Variants in PLXNB1 observed in about 807,000 individuals in gnomAD.
The protein encoded by PLXNB1 is plexin B1, also known as plexin-B1.
Under a neutral mutation model 209.4 loss-of-function variants are expected in PLXNB1, and 106 were observed. That is an observed-to-expected ratio of 0.51 (90% confidence interval 0.43 to 0.59). PLXNB1 has a LOEUF of 0.59. Ranked by LOEUF, PLXNB1 falls within the 20% of genes least tolerant of loss-of-function variation. The pLI, the probability that PLXNB1 is intolerant of heterozygous loss-of-function variation, is 0.00. For synonymous variants in PLXNB1, 1,167 were observed against 1,183.2 expected, an observed-to-expected ratio of 0.99 and a Z score of 0.28; for missense variants, 2,357 against 2,853.2, an observed-to-expected ratio of 0.83 and a Z score of 3.96.
In PLXNB1 at chr3:48,424,243, G is replaced by A. The variant is rs1182774288; in HGVS notation, c.369C>T (p.Arg123=). Residue 123 remains arginine, a synonymous_variant, in exon 3 of 38, where the codon CGC becomes CGT. Transcript: ENST00000296440. ...SVHQGVCEQR[R]LGQLEQLLLR... Reference sequence around the variant, plus strand: ...GCAGCAGCTGCTCGAGCTGCCCCAGGCGCCGCTGTTCACAGACCCCCTGGT... The same window carrying A: ...GCAGCAGCTGCTCGAGCTGCCCCAGACGCCGCTGTTCACAGACCCCCTGGT... The A allele has an allele frequency of 6.2e-6, 10 of 1,602,378 alleles. No homozygotes were observed. The highest frequency in any genetic ancestry group is 8.5e-6 in the Non-Finnish European group (10 of 1,174,448).
chr3:48,421,544 C>T (rs534123739), intron 7 of PLXNB1, 130 bp downstream of exon 7: 24 of 1,194,976 alleles, frequency 2.0e-5, no homozygotes, highest in African/African-American at 7.7e-5. Context: ...GGAAACTGAG[C>T]TCCTAAAAGA....
At chr3:48,425,835 C>CACAG (rs1403490551) in intron 1 of PLXNB1, among the ~76,000 whole-genome samples, 11 of 148,958 alleles carry the variant, frequency 7.4e-5, no homozygotes, top group Admixed American at 2.6e-4. Context: ...CACACACACA[C>CACAG]AGAGAGAGAG....
At position 48,410,133 on chromosome 3, in the gene PLXNB1, CCT is replaced by C. The variant is rs375594425; in HGVS notation, c.5606-58_5606-57del. On this transcript the variant is annotated intron_variant, in intron 31 of 37. Coordinates refer to ENST00000296440, the MANE Select transcript of PLXNB1 (RefSeq NM_001130082.3). The surrounding 1 kb of genome is among the most constrained non-coding windows in gnomAD (Gnocchi z 6.4). Reference sequence around the variant, plus strand: ...CCCCAGGTGCCACCTCCCCAGGCCCCCTGTTTCTTGCCAGCTCTCCCAGGGGT... The same window carrying C: ...CCCCAGGTGCCACCTCCCCAGGCCCCGTTTCTTGCCAGCTCTCCCAGGGGT... The C allele has an allele frequency of 6.4e-4, 968 of 1,523,740 alleles. 3 individuals are homozygous for C. The highest frequency in any genetic ancestry group is 6.1e-3 in the African/African-American group (444 of 72,336). The allele number at this position is 1,523,740 out of a possible 1,614,324, so 94.4% of individuals were successfully genotyped here.
chr3:48,419,100 G>A lies in PLXNB1; in HGVS notation c.2833-61C>T. 2 of 1,600,422 alleles carry A rather than the reference G, an allele frequency of 1.2e-6. No homozygotes were observed. Among genetic ancestry groups the A allele is most frequent in the South Asian group, 1.1e-5 (1 of 89,914 alleles). ...GGAGCTGGGCCCAGGGAGTCCTGCAGGTCACCCAACAGATCCCCCAGCACA... is the reference window on the plus strand; with the variant it reads ...GGAGCTGGGCCCAGGGAGTCCTGCAAGTCACCCAACAGATCCCCCAGCACA... On this transcript the variant is annotated intron_variant, in intron 12 of 37. Coordinates refer to ENST00000296440, the MANE Select transcript of PLXNB1 (RefSeq NM_001130082.3). This position sits in a 1 kb window ranked among gnomAD's most constrained non-coding sequence, Gnocchi z 5.7.
chr3:48,412,808 C>T lies in PLXNB1; in HGVS notation c.4788G>A (p.Arg1596=), dbSNP rs759297699. 1.9e-5 allele frequency: 30 copies of T among 1,613,646 alleles called. No homozygotes were observed. The highest frequency in any genetic ancestry group is 2.4e-5 in the Non-Finnish European group (28 of 1,180,034). ...HRDLGVPESR[R]PTVEQGLGQL... Reference sequence around the variant, plus strand: ...GCCCCAGCCCTTGCTCCACAGTGGGCCGTCTGCTCTCAGGCACACCCAGGT... The same window carrying T: ...GCCCCAGCCCTTGCTCCACAGTGGGTCGTCTGCTCTCAGGCACACCCAGGT... The change falls in exon 25 of 38, where the codon CGG becomes CGA. Residue 1596 remains arginine (R), a synonymous_variant. Transcript: ENST00000296440.
Position 48,413,140 on chromosome 3 carries a change from T to C in PLXNB1, c.4565A>G (p.Tyr1522Cys). 3 of 1,613,426 alleles carry C rather than the reference T, an allele frequency of 1.9e-6. No homozygotes were observed. Among genetic ancestry groups the C allele is most frequent in the African/African-American group, 1.3e-5 (1 of 75,032 alleles). ...CTCCAGCTGGATCTGAACCTTCTTA[T>C]AGTCCCTCAGGGCCTGCTTGCTCTT... ...RRKSKQALRD[Y>C]KKVQIQLENL... The change falls in exon 24 of 38, where the codon TAT becomes TGT. Residue 1522 changes from tyrosine to cysteine, a missense_variant. Around this residue, in one of 7 missense-constraint regions of PLXNB1, gnomAD observed 743 missense variants for 896.2 expected, o/e 0.83. Transcript: ENST00000296440. The surrounding 1 kb of genome is among the most constrained non-coding windows in gnomAD (Gnocchi z 5.4).
chr3:48,407,018 C>T lies in PLXNB1; in HGVS notation c.6152+9G>A. 6.2e-7 allele frequency: 1 copy of T among 1,614,058 alleles called. No homozygotes were observed. Among genetic ancestry groups the T allele is most frequent in the Non-Finnish European group, 8.5e-7 (1 of 1,179,940 alleles). On this transcript the variant is annotated intron_variant, in intron 35 of 37. Coordinates refer to ENST00000296440, the MANE Select transcript of PLXNB1 (RefSeq NM_001130082.3). ...CCCTCCAACCTCTACCCACCGTGCC[C>T]TCCAGTACCTTTCCACCATCCGCTT...
At chr3:48,407,845 G>T (rs1386312453) in intron 34 of PLXNB1, among the ~76,000 whole-genome samples, 1 of 152,172 alleles carries the variant, frequency 6.6e-6, no homozygotes, top group African/African-American at 2.4e-5. Flanking sequence ...GTACTGGAAG[G>T]ATCTGGCAAA....
Position 48,423,682 on chromosome 3 carries a change from C to G in PLXNB1, c.930G>C (p.Ser310=), listed in dbSNP as rs775370353. ...AGGCTCCAGATGCCCCAGCAGCCGCCGATGGGGGCCGGCCCACAGTGGGGG... is the reference window on the plus strand; with the variant it reads ...AGGCTCCAGATGCCCCAGCAGCCGCGGATGGGGGCCGGCCCACAGTGGGGG... ...AAPPTVGRPP[S]AAAGASGASA... The change falls in exon 3 of 38, where the codon TCG becomes TCC. Residue 310 remains serine, a synonymous_variant. Coordinates refer to ENST00000296440, the MANE Select transcript of PLXNB1 (RefSeq NM_001130082.3). 6.2e-7 allele frequency: 1 copy of G among 1,613,730 alleles called. No individual in the cohort carries two copies. Among genetic ancestry groups the G allele is most frequent in the Non-Finnish European group, 8.5e-7 (1 of 1,179,898 alleles).
chr3:48,418,382 C>T lies in PLXNB1; in HGVS notation c.3050-19G>A. 2 of 1,613,626 alleles carry T rather than the reference C, an allele frequency of 1.2e-6. No individual in the cohort carries two copies. The highest frequency in any genetic ancestry group is 1.6e-4 in the Middle Eastern group (1 of 6,062). Reference sequence around the variant, plus strand: ...AGTACCACTGGGGGTGGCAGAGACACACGTGAGAGGCAGGCCTGGGAGAGC... The same window carrying T: ...AGTACCACTGGGGGTGGCAGAGACATACGTGAGAGGCAGGCCTGGGAGAGC... On this transcript the variant is annotated intron_variant, in intron 14 of 37. Transcript: ENST00000296440. The surrounding 1 kb of genome is among the most constrained non-coding windows in gnomAD (Gnocchi z 6.6).
chr3:48,419,146 C>A lies in PLXNB1; in HGVS notation c.2832+98G>T. Reference sequence around the variant, plus strand: ...GCACAGCTTCTGGGTTGGAGTTGAGCCCTCGGACTCTGCCCTCCTCCTGCT... The same window carrying A: ...GCACAGCTTCTGGGTTGGAGTTGAGACCTCGGACTCTGCCCTCCTCCTGCT... On this transcript the variant is annotated intron_variant, in intron 12 of 37. Coordinates refer to ENST00000296440, the MANE Select transcript of PLXNB1 (RefSeq NM_001130082.3). This position sits in a 1 kb window ranked among gnomAD's most constrained non-coding sequence, Gnocchi z 5.7. 6.4e-7 allele frequency: 1 copy of A among 1,562,138 alleles called. No homozygotes were observed. Among genetic ancestry groups the A allele is most frequent in the South Asian group, 1.2e-5 (1 of 83,600 alleles).
In PLXNB1 at chr3:48,416,333, A is replaced by C. The variant is rs762217758; in HGVS notation, c.3480+13T>G. The C allele has an allele frequency of 6.2e-7, 1 of 1,602,558 alleles. No homozygotes were observed. Among genetic ancestry groups the C allele is most frequent in the East Asian group, 2.2e-5 (1 of 44,812 alleles). On this transcript the variant is annotated intron_variant, in intron 17 of 37. Coordinates refer to ENST00000296440, the MANE Select transcript of PLXNB1 (RefSeq NM_001130082.3). The surrounding 1 kb of genome is among the most constrained non-coding windows in gnomAD (Gnocchi z 4.1). The stretch of plus-strand genomic sequence containing the variant: ...GCCCGCTGGCAGCTGGGGGTGGCTC[A>C]GCAGTCAGGTACCTGGTAGGCAAAG...
At position 48,410,863 on chromosome 3, in the gene PLXNB1, C is replaced by T; in HGVS notation, c.5416+5G>A. The T allele has an allele frequency of 1.2e-6, 2 of 1,608,010 alleles. No individual in the cohort carries two copies. Among genetic ancestry groups the T allele is most frequent in the Non-Finnish European group, 1.7e-6 (2 of 1,177,412 alleles). On this transcript the variant is annotated splice_donor_5th_base_variant and intron_variant, in intron 29 of 37. Coordinates refer to ENST00000296440, the MANE Select transcript of PLXNB1 (RefSeq NM_001130082.3). This position sits in a 1 kb window ranked among gnomAD's most constrained non-coding sequence, Gnocchi z 6.4. ...CAGGTCCCCAGGGGCTCTCCACGCC[C>T]TCACCAACATCAAGGGTGCGAGGGT...
At chr3:48,424,970 T>C (rs543798788) in intron 2 of PLXNB1, among the ~76,000 whole-genome samples, 32 of 152,116 alleles carry the variant, frequency 2.1e-4, no homozygotes, top group Non-Finnish European at 4.3e-4. Flanking sequence ...GAGCAGGTGA[T>C]GGGAAGGAGG....
Position 48,423,859 on chromosome 3 carries a change from C to T in PLXNB1, c.753G>A (p.Val251=). ...AGTAGTAGTGCTGGTCCCGGAGACA[C>T]ACTCGAGATACATAGGCACGAAAAG... ...SRAFRAYVSR[V]CLRDQHYYSY... is the part of the protein sequence containing the mutation. Residue 251 remains valine, a synonymous_variant, in exon 3 of 38, where the codon GTG becomes GTA. Transcript: ENST00000296440. 1.9e-6 allele frequency: 3 copies of T among 1,614,078 alleles called. No homozygotes were observed. Among genetic ancestry groups the T allele is most frequent in the Non-Finnish European group, 2.5e-6 (3 of 1,180,034 alleles).
At position 48,415,577 on chromosome 3, in the gene PLXNB1, C is replaced by T. The variant is rs1460682849; in HGVS notation, c.3794+6G>A. 1.3e-6 allele frequency: 2 copies of T among 1,568,062 alleles called. No homozygotes were observed. The highest frequency in any genetic ancestry group is 1.3e-5 in the African/African-American group (1 of 74,462). Reference sequence around the variant, plus strand: ...CTGCCATGCAGCCACACCCCTGGCCCAACACCTGAGGAAGCTCTTGGTGGG... The same window carrying T: ...CTGCCATGCAGCCACACCCCTGGCCTAACACCTGAGGAAGCTCTTGGTGGG... On this transcript the variant is annotated splice_donor_region_variant and intron_variant, in intron 19 of 37. Transcript: ENST00000296440. The surrounding 1 kb of genome is among the most constrained non-coding windows in gnomAD (Gnocchi z 5.0).
intron 10 of PLXNB1, 21 bp from the exon 11 acceptor site, chr3:48,420,278 A>G (rs1161700080): frequency 1.3e-6 from 2 of 1,484,510 alleles, no homozygotes; most frequent in Non-Finnish European, 9.1e-7. Flanking sequence ...AGGCAGAGGA[A>G]GACAGGAAGG....
chr3:48,414,067 T>C lies in PLXNB1; in HGVS notation c.4214A>G (p.Glu1405Gly), dbSNP rs776274609. 6.2e-7 allele frequency: 1 copy of C among 1,613,432 alleles called. No individual in the cohort carries two copies. The highest frequency in any genetic ancestry group is 8.5e-7 in the Non-Finnish European group (1 of 1,179,616). Residue 1405 changes from glutamate (E) to glycine (G), a missense_variant, in exon 22 of 38, where the codon GAG (glutamate) becomes GGG (glycine). Physicochemically the swap from Glu to Gly is moderately conservative, Grantham distance 98. This residue lies in a region of PLXNB1 where 743 missense variants were observed against 896.2 expected (regional missense o/e 0.83). Transcript: ENST00000296440. ...CTTGGACATTGCAAGGTCCAGGTTC[T>C]CCCCCTGGAACAGAGGGTCACCGAT... ...KPGSVFSVEG[E>G]NLDLAMSKEE...
chr3:48,404,280 G>C lies in PLXNB1; in HGVS notation c.*206C>G. Reference sequence around the variant, plus strand: ...GGTCGCTGGACTCGGGGAGCAGGCTGGGTACTACCCCATGAGCCTTGAGGC... The same window carrying C: ...GGTCGCTGGACTCGGGGAGCAGGCTCGGTACTACCCCATGAGCCTTGAGGC... On this transcript the variant is annotated 3_prime_UTR_variant, in exon 38 of 38. Coordinates refer to ENST00000296440, the MANE Select transcript of PLXNB1 (RefSeq NM_001130082.3). The C allele has an allele frequency of 1.8e-6, 1 of 555,244 alleles. No homozygotes were observed. Among genetic ancestry groups the C allele is most frequent in the East Asian group, 3.0e-5 (1 of 33,684 alleles). The allele number at this position is 555,244 out of a possible 1,614,324, so 34.4% of individuals were successfully genotyped here.
Sources: allele counts gnomAD v4.1 joint callset (sites outside exome capture counted in the v4.1 genomes callset), GRCh38; gene constraint gnomAD v4.1.1; regional missense constraint gnomAD v4.1.1; non-coding constraint Gnocchi (gnomAD v3.1); transcripts MANE v1.5; gene names NCBI Gene and HGNC (gene_info 2026-07-23, HGNC 2026-07-21).